NKAIN3: variants seen among roughly 807,000 people sequenced by gnomAD.
The protein encoded by NKAIN3 is sodium/potassium-transporting ATPase subunit beta-1-interacting protein 3.
In NKAIN3, 25 loss-of-function variants were observed where a neutral mutation model predicts 30.2. That is an observed-to-expected ratio of 0.83 (90% CI 0.60 to 1.16). The LOEUF (loss-of-function observed/expected upper bound fraction) is 1.16, where lower values mean the gene tolerates loss of function less well. Ranked by LOEUF, NKAIN3 falls within the 50% of genes most tolerant of loss-of-function variation. The probability of loss-of-function intolerance (pLI) is 0.00; values close to 1 mark genes in which losing one functional copy is unlikely to be tolerated. For missense variants in NKAIN3, 225 were observed against 254.1 expected, an observed-to-expected ratio of 0.89 and a Z score of 0.78; for synonymous variants, 91 against 89.6, an observed-to-expected ratio of 1.02 and a Z score of -0.09.
chr8:62,990,971 A>T (rs1824308151), intron 5 of NKAIN3: 1 of 152,232 alleles, frequency 6.6e-6, no homozygotes, highest in Non-Finnish European at 1.5e-5. Flanking sequence ...GTGGCCAGAA[A>T]ACACCTCTCT....
At chr8:62,627,427 G>A (rs1337586478) in intron 3 of NKAIN3, among the ~76,000 whole-genome samples, 1 of 152,036 alleles carries the variant, frequency 6.6e-6, no homozygotes, top group East Asian at 1.9e-4. Flanking sequence ...CTGGGACCAG[G>A]GATGGTGGGT....
chr8:62,737,360 C>T (rs1222563310), intron 3 of NKAIN3, among the ~76,000 whole-genome samples: 1 of 152,194 alleles, frequency 6.6e-6, no homozygotes, highest in Non-Finnish European at 1.5e-5. Flanking sequence ...CTAACTTTCT[C>T]ATATCACTTT....
At chr8:62,878,893 T>C (rs1170924470) in intron 4 of NKAIN3, among the ~76,000 whole-genome samples, 2 of 152,188 alleles carry the variant, frequency 1.3e-5, no homozygotes, top group East Asian at 3.8e-4. Context: ...TGCTACATTT[T>C]CTTAATCCAG....
chr8:62,944,062 C>T (rs1008227961), intron 5 of NKAIN3, among the ~76,000 whole-genome samples: 4 of 151,880 alleles, frequency 2.6e-5, no homozygotes, highest in African/African-American at 9.7e-5. Context: ...ACAGTGTATA[C>T]TGCTTGGGTG....
At chr8:62,311,650 C>G (rs1276026451) in intron 1 of NKAIN3, among the ~76,000 whole-genome samples, 1 of 150,340 alleles carries the variant, frequency 6.7e-6, no homozygotes, top group Non-Finnish European at 1.5e-5. Flanking sequence ...GTGTGGGATT[C>G]TTGGTGCCAA....
chr8:62,629,837 C>G (rs1420943002), intron 3 of NKAIN3, among the ~76,000 whole-genome samples: 3 of 151,802 alleles, frequency 2.0e-5, no homozygotes, highest in African/African-American at 7.3e-5. Flanking sequence ...ATTTATAAAC[C>G]TTATATATGG....
chr8:62,987,979 C>A (rs1563656261), downstream of NKAIN3, among the ~76,000 whole-genome samples: 1 of 152,210 alleles, frequency 6.6e-6, no homozygotes, highest in Non-Finnish European at 1.5e-5. Flanking sequence ...TACTCCTGTT[C>A]TAAATTGGAG....
intron 3 of NKAIN3, among the ~76,000 whole-genome samples, chr8:62,696,579 G>C (rs1814161644): frequency 6.6e-6 from 1 of 151,918 alleles, no homozygotes; most frequent in Non-Finnish European, 1.5e-5. Context: ...ATTTGACAAA[G>C]GTTACACTGT....
chr8:62,779,939 G>A (rs768616849), intron 4 of NKAIN3, among the ~76,000 whole-genome samples: 3 of 151,874 alleles, frequency 2.0e-5, no homozygotes, highest in Non-Finnish European at 4.4e-5. Context: ...ACAGAGAAAA[G>A]AAATAATAAA....
chr8:62,837,105 T>G (rs1819388400), intron 4 of NKAIN3, among the ~76,000 whole-genome samples: 1 of 152,158 alleles, frequency 6.6e-6, no homozygotes, highest in Admixed American at 6.6e-5. Context: ...AGTAGTCAGC[T>G]TTTCCAGTGT....
intron 4 of NKAIN3, among the ~76,000 whole-genome samples, chr8:62,823,666 T>C (rs1001969926): frequency 1.3e-5 from 2 of 152,326 alleles, no homozygotes; most frequent in African/African-American, 2.4e-5. Flanking sequence ...CTTTCTGTTA[T>C]GCAGCTCAAG....
At chr8:62,496,019 G>A (rs371615175) in intron 1 of NKAIN3, among the ~76,000 whole-genome samples, 25 of 152,206 alleles carry the variant, frequency 1.6e-4, no homozygotes, top group East Asian at 1.4e-3. Context: ...CAGTAAATGT[G>A]CACTGAGTTT....
At chr8:62,407,891 G>T (rs760487806) in intron 1 of NKAIN3, among the ~76,000 whole-genome samples, 1 of 152,152 alleles carries the variant, frequency 6.6e-6, no homozygotes, top group Non-Finnish European at 1.5e-5. Context: ...TTTGGTCTAT[G>T]TGGTGGCACG....
intron 3 of NKAIN3, among the ~76,000 whole-genome samples, chr8:62,607,090 T>C (rs1199870605): frequency 6.6e-6 from 1 of 152,182 alleles, no homozygotes; most frequent in Non-Finnish European, 1.5e-5. Context: ...CATGTAGAAA[T>C]GAAGTTAGCC....
rs148247823 is a variant in NKAIN3 at position 62,674,563 on chromosome 8, C to T, written c.274-72369C>T. Reference sequence around the variant, plus strand: ...TATCACTGTTGTTAGAAACACTAAACGTAATAAATGGCAAGGAAGTGAATA... The same window carrying T: ...TATCACTGTTGTTAGAAACACTAAATGTAATAAATGGCAAGGAAGTGAATA... On this transcript the variant is annotated intron_variant, in intron 3 of 6. Transcript: ENST00000623646. Among the ~76,000 whole-genome samples, 551 of 152,186 alleles carry T rather than the reference C, an allele frequency of 3.6e-3. 2 individuals are homozygous for T. Among genetic ancestry groups the T allele is most frequent in the African/African-American group, 0.012 (480 of 41,504 alleles).
intron 4 of NKAIN3, among the ~76,000 whole-genome samples, chr8:62,849,465 A>G (rs1819804950): frequency 6.6e-6 from 1 of 150,708 alleles, no homozygotes; most frequent in Non-Finnish European, 1.5e-5. Context: ...TTTTATTATT[A>G]TACTTCAAGT....
intron 3 of NKAIN3, among the ~76,000 whole-genome samples, chr8:62,647,428 G>A (rs1166379482): frequency 1.3e-5 from 2 of 152,128 alleles, no homozygotes; most frequent in Non-Finnish European, 2.9e-5. Flanking sequence ...TGCCTAAGAC[G>A]GAAAGGAGAA....
chr8:62,380,540 A>G (rs1369632837), intron 1 of NKAIN3, among the ~76,000 whole-genome samples: 2 of 152,204 alleles, frequency 1.3e-5, no homozygotes, highest in African/African-American at 2.4e-5. Context: ...GGTACTGAGC[A>G]TATATGCCTG....
chr8:62,578,966 TCTG>T (rs1452883470), intron 1 of NKAIN3, among the ~76,000 whole-genome samples: 5 of 151,814 alleles, frequency 3.3e-5, no homozygotes, highest in Non-Finnish European at 5.9e-5. Flanking sequence ...ATGAATAAGA[TCTG>T]GTATTTGATA....
Sources: gnomAD v4.1 joint callset for allele counts (sites outside exome capture counted in the v4.1 genomes callset) on GRCh38, gnomAD v4.1.1 for gene constraint, MANE v1.5 for transcripts, NCBI Gene and HGNC (gene_info 2026-07-23, HGNC 2026-07-21) for gene names.